Variants in THADA observed in about 807,000 individuals in gnomAD.
The protein encoded by THADA is tRNA (32-2'-O)-methyltransferase regulator THADA.
In THADA, 213 loss-of-function variants were observed where a neutral mutation model predicts 219.8. The observed-to-expected ratio is 0.97, with a 90% confidence interval of 0.87 to 1.09. The LOEUF (loss-of-function observed/expected upper bound fraction) is 1.09, where lower values mean the gene tolerates loss of function less well. THADA is among the 50% of genes least tolerant of loss of function. The probability of loss-of-function intolerance (pLI) is 0.00; values close to 1 mark genes in which losing one functional copy is unlikely to be tolerated. For missense variants in THADA, 2,956 were observed against 2,311.3 expected (o/e 1.28, Z -5.72); for synonymous variants, 1,018 against 828.9 (o/e 1.23, Z -3.92).
chr2:43,324,135 C>A (rs1210170241), intron 30 of THADA, among the ~76,000 whole-genome samples: 1 of 152,142 alleles, frequency 6.6e-6, no homozygotes, highest in East Asian at 1.9e-4. Context: ...TGTTGAGAAA[C>A]CGGTTTGACT....
intron 22 of THADA, among the ~76,000 whole-genome samples, chr2:43,515,220 TTATATATAA>T: frequency 2.3e-5 from 1 of 42,612 alleles, no homozygotes; most frequent in Non-Finnish European, 3.9e-5. Context: ...ATATAATATA[TTATATATAA>T]TATATAATAT....
intron 36 of THADA, among the ~76,000 whole-genome samples, chr2:43,243,561 C>G (rs1024863903): frequency 3.3e-5 from 5 of 152,064 alleles, no homozygotes; most frequent in African/African-American, 9.7e-5. Context: ...AGGGGCTCAT[C>G]TCCTCACCTC....
chr2:43,243,803 T>C (rs2104079410), intron 36 of THADA, among the ~76,000 whole-genome samples: 1 of 152,348 alleles, frequency 6.6e-6, no homozygotes, highest in African/African-American at 2.4e-5. Context: ...TTGCCTTTTC[T>C]TCATGCTTTA....
At chr2:43,367,454 T>A (rs1383542468) in intron 29 of THADA, among the ~76,000 whole-genome samples, 1 of 152,238 alleles carries the variant, frequency 6.6e-6, no homozygotes, top group Non-Finnish European at 1.5e-5. Context: ...ACTACAGGAT[T>A]CTTCATCTAT....
At chr2:43,278,810 C>T (rs1489549389) in intron 36 of THADA, among the ~76,000 whole-genome samples, 2 of 152,188 alleles carry the variant, frequency 1.3e-5, no homozygotes, top group Non-Finnish European at 2.9e-5. Context: ...GCCCCAGCCA[C>T]AGTAACTGAT....
intron 26 of THADA, among the ~76,000 whole-genome samples, chr2:43,476,322 C>T (rs535487098): frequency 5.4e-4 from 82 of 152,268 alleles, no homozygotes; most frequent in African/African-American, 1.9e-3. Flanking sequence ...GATATGATGG[C>T]TGGAACTGAA....
chr2:43,427,569 C>T (rs1678624636), intron 28 of THADA, among the ~76,000 whole-genome samples: 1 of 148,442 alleles, frequency 6.7e-6, no homozygotes, highest in African/African-American at 2.5e-5. Context: ...CGCACACACA[C>T]AATAGTTATA....
At chr2:43,410,386 T>C (rs1330720115) in intron 28 of THADA, among the ~76,000 whole-genome samples, 1 of 152,244 alleles carries the variant, frequency 6.6e-6, no homozygotes, top group African/African-American at 2.4e-5. Context: ...AATTCCTGTG[T>C]ATTTACACTA....
intron 36 of THADA, among the ~76,000 whole-genome samples, chr2:43,250,721 T>C (rs1558468262): frequency 6.6e-6 from 1 of 151,510 alleles, no homozygotes; most frequent in Non-Finnish European, 1.5e-5. Context: ...TAAAATAAAA[T>C]AAAATACAGT....
rs186408275 is a variant in THADA, at chr2:43,299,747, C to T, written c.4439-6534G>A. On this transcript the variant is annotated intron_variant, in intron 31 of 37. Coordinates refer to ENST00000405975, the MANE Select transcript of THADA (RefSeq NM_022065.5). Reference sequence around the variant, plus strand: ...TTACTAATAAAAGCTGAAATTTGGGCTGGGCACAGTGGCTCATGCCTGTAA... The same window carrying T: ...TTACTAATAAAAGCTGAAATTTGGGTTGGGCACAGTGGCTCATGCCTGTAA... Among the ~76,000 whole-genome samples the T allele has an allele frequency of 4.0e-4, 61 of 151,868 alleles. 1 individual carries two copies. The highest frequency in any genetic ancestry group is 8.1e-4 in the Non-Finnish European group (55 of 67,938).
chr2:43,367,990 C>T (rs902811469), intron 29 of THADA, among the ~76,000 whole-genome samples: 1 of 152,044 alleles, frequency 6.6e-6, no homozygotes, highest in African/African-American at 2.4e-5. Flanking sequence ...TGGTGGCAAG[C>T]ACCTGTAATC....
At chr2:43,393,027 C>T (rs533764880) in intron 29 of THADA, among the ~76,000 whole-genome samples, 2 of 152,256 alleles carry the variant, frequency 1.3e-5, no homozygotes, top group Admixed American at 1.3e-4. Context: ...TTAAGGATGA[C>T]AGAAGGTGGG....
chr2:43,511,111 T>C (rs1429536193), intron 22 of THADA, among the ~76,000 whole-genome samples: 2 of 152,162 alleles, frequency 1.3e-5, no homozygotes, highest in Admixed American at 6.5e-5. Context: ...GCTTAATTTA[T>C]ACTTGCATTT....
At chr2:43,452,826 A>T (rs1354226851) in intron 26 of THADA, among the ~76,000 whole-genome samples, 1 of 152,218 alleles carries the variant, frequency 6.6e-6, no homozygotes, top group Non-Finnish European at 1.5e-5. Flanking sequence ...TGGACCACAG[A>T]TAATTCCATT....
chr2:43,499,540 C>A (rs1352130271), intron 24 of THADA, among the ~76,000 whole-genome samples: 1 of 152,006 alleles, frequency 6.6e-6, no homozygotes, highest in South Asian at 2.1e-4. Flanking sequence ...CCACGGCCGG[C>A]TAAGTTTTGT....
At chr2:43,304,962 G>A (rs905592955) in intron 31 of THADA, among the ~76,000 whole-genome samples, 2 of 152,166 alleles carry the variant, frequency 1.3e-5, no homozygotes, top group Non-Finnish European at 2.9e-5. Flanking sequence ...ATGAGCCACT[G>A]TGCCCGGCCT....
At chr2:43,462,875 G>C (rs550647850) in intron 26 of THADA, among the ~76,000 whole-genome samples, 92 of 152,280 alleles carry the variant, frequency 6.0e-4, no homozygotes, top group Non-Finnish European at 1.2e-3. Flanking sequence ...CTCTCACAGA[G>C]ACTCAATTAT....
intron 36 of THADA, among the ~76,000 whole-genome samples, chr2:43,238,938 G>C (rs1157791094): frequency 1.3e-5 from 2 of 152,044 alleles, no homozygotes; most frequent in Admixed American, 6.6e-5. Flanking sequence ...GGGAATAAAT[G>C]ATCTCCGAGG....
intron 34 of THADA, 77 bp from the exon 35 acceptor site, chr2:43,287,138 C>A: frequency 7.3e-7 from 1 of 1,363,968 alleles, no homozygotes; most frequent in South Asian, 1.4e-5. Context: ...GTGACCTACA[C>A]CAAACTGGGC....
Sources: gnomAD v4.1 joint callset for allele counts (sites outside exome capture counted in the v4.1 genomes callset) on GRCh38, gnomAD v4.1.1 for gene constraint, MANE v1.5 for transcripts, NCBI Gene and HGNC (gene_info 2026-07-23, HGNC 2026-07-21) for gene names.